The following SHANK2 variants were observed in gnomAD, a reference collection of about 807,000 sequenced individuals.
The protein encoded by SHANK2 is SH3 and multiple ankyrin repeat domains 2.
SHANK2 carries 43 observed loss-of-function variants against 133.7 expected under a neutral mutation model. That is an observed-to-expected ratio of 0.32 (90% CI 0.25 to 0.41). SHANK2 has a LOEUF of 0.41. Ranked by LOEUF, SHANK2 falls within the 10% of genes least tolerant of loss-of-function variation. The pLI, the probability that SHANK2 is intolerant of heterozygous loss-of-function variation, is 1.00. For synonymous variants in SHANK2, 1,017 were observed against 952.8 expected (o/e 1.07, Z -1.24); for missense variants, 1,994 against 2,235.8 (o/e 0.89, Z 2.18).
chr11:71,163,093 A>AAAACATATAT lies in SHANK2; in HGVS notation c.-12-15756_-12-15755insATATATGTTT. ...GTCTAAAAAAAAAAAAAAAAAAAAA[A>AAAACATATAT]ATACATATATATATATATACAGAAT... On this transcript the variant is annotated intron_variant, in intron 2 of 25. Transcript: ENST00000601538. Among the ~76,000 whole-genome samples, 52 of 84,706 alleles carry AAAACATATAT rather than the reference A, an allele frequency of 6.1e-4. 11 individuals carry two copies. Among genetic ancestry groups the AAAACATATAT allele is most frequent in the Non-Finnish European group, 1.1e-3 (45 of 39,572 alleles). 55.6% of individuals were successfully genotyped at this position (84,706 alleles called of 152,430 possible).
intron 10 of SHANK2, among the ~76,000 whole-genome samples, chr11:70,924,980 G>T (rs187333461): frequency 3.9e-5 from 6 of 152,116 alleles, no homozygotes; most frequent in Non-Finnish European, 5.9e-5. Flanking sequence ...GGGCTCACAG[G>T]GGGGCAGATT....
intron 3 of SHANK2, among the ~76,000 whole-genome samples, chr11:71,119,578 C>CAAAAAAAAA (rs55759811): frequency 4.0e-4 from 54 of 134,418 alleles, no homozygotes; most frequent in African/African-American, 1.5e-3. Flanking sequence ...GACTCCATCT[C>CAAAAAAAAA]AAAAAAAAAA....
chr11:70,886,290 T>C (rs534776807), intron 11 of SHANK2, among the ~76,000 whole-genome samples: 3 of 152,336 alleles, frequency 2.0e-5, no homozygotes, highest in Admixed American at 2.0e-4. Flanking sequence ...GAAAATATTC[T>C]ATGGGAATCT....
At chr11:71,251,591 G>T (rs1240348197) in intron 1 of SHANK2, among the ~76,000 whole-genome samples, 3 of 151,496 alleles carry the variant, frequency 2.0e-5, no homozygotes, top group Non-Finnish European at 2.9e-5. Flanking sequence ...GGCGAAAGTT[G>T]CCAGGGAAAC....
At chr11:71,207,333 C>A (rs1309184435) in intron 2 of SHANK2, among the ~76,000 whole-genome samples, 1 of 152,080 alleles carries the variant, frequency 6.6e-6, no homozygotes, top group Non-Finnish European at 1.5e-5. Flanking sequence ...GCTTCCGCTA[C>A]CACACCCAGC....
At chr11:71,195,349 G>A (rs529155652) in intron 2 of SHANK2, among the ~76,000 whole-genome samples, 3 of 151,658 alleles carry the variant, frequency 2.0e-5, no homozygotes, top group Admixed American at 6.6e-5. Context: ...CCGAGATGGC[G>A]CCACTGCACT....
chr11:70,635,720 GTAC>G (rs2061067163), intron 17 of SHANK2, among the ~76,000 whole-genome samples: 1 of 151,756 alleles, frequency 6.6e-6, no homozygotes. Flanking sequence ...TATGTGCACT[GTAC>G]TACAATTTTA....
At position 71,092,725 on chromosome 11, in the gene SHANK2, C is replaced by A. The variant is rs538488087; in HGVS notation, c.745-136G>T. The A allele has an allele frequency of 3.8e-6, 3 of 781,568 alleles. No homozygotes were observed. In the East Asian group the frequency reaches 8.1e-5, roughly 21 times the overall value. The allele number at this position is 781,568 out of a possible 1,614,324, so 48.4% of individuals were successfully genotyped here. A position where few individuals can be genotyped will look rare whatever the true frequency, so the allele number is the denominator to read the frequency against. On this transcript the variant is annotated intron_variant, in intron 7 of 25. Coordinates refer to ENST00000601538, the MANE Select transcript of SHANK2 (RefSeq NM_012309.5). ...CACACCCTGAGTACCCAGTGCTTCT[C>A]CTGGGCTCCCCAGAATTAAGAAGGG...
Position 70,800,635 on chromosome 11 carries a change from A to C in SHANK2, c.1664-2079T>G, listed in dbSNP as rs1590695481. Among the ~76,000 whole-genome samples, 3 of 152,318 alleles carry C rather than the reference A, an allele frequency of 2.0e-5. No individual in the cohort carries two copies. The East Asian group carries it at 5.8e-4, about 29-fold the overall frequency. ...ATAACCTGAAGAAATGACCTAACTGAAACAGATCAGCCACATCCCAGGTGA... is the reference window on the plus strand; with the variant it reads ...ATAACCTGAAGAAATGACCTAACTGCAACAGATCAGCCACATCCCAGGTGA... On this transcript the variant is annotated intron_variant, in intron 13 of 25. Coordinates refer to ENST00000601538, the MANE Select transcript of SHANK2 (RefSeq NM_012309.5).
chr11:70,658,723 T>C (rs1219092973), intron 17 of SHANK2, among the ~76,000 whole-genome samples: 2 of 152,186 alleles, frequency 1.3e-5, no homozygotes, highest in Admixed American at 1.3e-4. Flanking sequence ...CTTGGGAGCT[T>C]AGGCCTGATT....
chr11:71,167,143 T>G (rs1953169306), intron 2 of SHANK2, among the ~76,000 whole-genome samples: 1 of 152,064 alleles, frequency 6.6e-6, no homozygotes, highest in Non-Finnish European at 1.5e-5. Flanking sequence ...GGCAGAAGAA[T>G]TTTTCTTAGT....
At chr11:70,746,478 GA>G (rs1307344404) in intron 14 of SHANK2, among the ~76,000 whole-genome samples, 1 of 148,576 alleles carries the variant, frequency 6.7e-6, no homozygotes, top group Non-Finnish European at 1.5e-5. Flanking sequence ...GGGAAGGCTG[GA>G]CCTTCCTTCA....
intron 14 of SHANK2, among the ~76,000 whole-genome samples, chr11:70,716,142 G>A (rs1261923857): frequency 1.3e-5 from 2 of 152,124 alleles, no homozygotes; most frequent in African/African-American, 4.8e-5. Flanking sequence ...CTTTGTGGTC[G>A]GCCTCTTTCC....
chr11:70,817,608 T>A (rs1948425680), intron 12 of SHANK2, among the ~76,000 whole-genome samples: 1 of 152,156 alleles, frequency 6.6e-6, no homozygotes, highest in African/African-American at 2.4e-5. Context: ...GAGCTCTGGG[T>A]CTTGGGTTGG....
chr11:70,486,595 C>T lies in SHANK2; in HGVS notation c.3698G>A (p.Gly1233Glu). The T allele has an allele frequency of 6.2e-7, 1 of 1,613,904 alleles. No homozygotes were observed. The highest frequency in any genetic ancestry group is 8.5e-7 in the Non-Finnish European group (1 of 1,180,022). ...GGCCTTGGGGGCCTCCCCTTTGGGT[C>T]CCTGTTGAGACTCCTTCATGGCTCG... is the stretch of plus-strand genomic sequence containing the variant. Reference protein sequence around the residue: ...RDRAMKESQQGPKGEAPKADL... With the variant: ...RDRAMKESQQEPKGEAPKADL... The change falls in exon 25 of 26, where the codon GGA becomes GAA. Residue 1233 changes from glycine (G) to glutamate (E), a missense_variant. Around this residue, in one of 5 missense-constraint regions of SHANK2, gnomAD observed 797 missense variants for 907.4 expected, o/e 0.88. Transcript: ENST00000601538. This position sits in a 1 kb window ranked among gnomAD's most constrained non-coding sequence, Gnocchi z 8.0.
At chr11:70,718,785 T>TG (rs1555028198) in intron 14 of SHANK2, among the ~76,000 whole-genome samples, 1 of 146,410 alleles carries the variant, frequency 6.8e-6, no homozygotes, top group African/African-American at 2.6e-5. Flanking sequence ...AGGCTTTCAG[T>TG]GGGTTAGAAA....
At chr11:70,613,395 G>C (rs1554994929) in intron 17 of SHANK2, among the ~76,000 whole-genome samples, 2 of 152,250 alleles carry the variant, frequency 1.3e-5, no homozygotes, top group Admixed American at 1.3e-4. Context: ...AGTAGAGACA[G>C]GGTTTCACCG....
At chr11:70,820,073 C>G (rs1442566217) in intron 12 of SHANK2, among the ~76,000 whole-genome samples, 1 of 152,150 alleles carries the variant, frequency 6.6e-6, no homozygotes, top group African/African-American at 2.4e-5. Flanking sequence ...AAACAGGACC[C>G]GAGAGGCCAG....
intron 17 of SHANK2, among the ~76,000 whole-genome samples, chr11:70,626,611 G>A (rs1555000056): frequency 6.6e-6 from 1 of 152,152 alleles, no homozygotes. Flanking sequence ...CACAACCGCC[G>A]AGTGGCAAGC....
Sources: gnomAD v4.1 joint callset for allele counts (sites outside exome capture counted in the v4.1 genomes callset) on GRCh38, gnomAD v4.1.1 for gene constraint, gnomAD v4.1.1 regional missense constraint, Gnocchi (gnomAD v3.1) non-coding constraint, MANE v1.5 for transcripts, NCBI Gene and HGNC (gene_info 2026-07-23, HGNC 2026-07-21) for gene names.